The following ZFHX3 variants were observed in gnomAD, a reference collection of about 807,000 sequenced individuals.
ZFHX3 encodes zinc finger homeobox 3.
In ZFHX3, 42 loss-of-function variants were observed where a neutral mutation model predicts 279.1. The ratio of observed to expected loss-of-function variants is 0.15; its 90% confidence interval spans 0.12 to 0.19. The LOEUF is 0.19. Ranked by LOEUF, ZFHX3 falls within the 10% of genes least tolerant of loss-of-function variation. The probability of loss-of-function intolerance (pLI) is 1.00; values close to 1 mark genes in which losing one functional copy is unlikely to be tolerated. For synonymous variants in ZFHX3, 2,293 were observed against 1,957.8 expected (o/e 1.17, Z -4.52); for missense variants, 4,981 against 4,754.0 (o/e 1.05, Z -1.40).
At chr16:73,806,082 C>G (rs1211248155) in intron 1 of ZFHX3, among the ~76,000 whole-genome samples, 1 of 152,166 alleles carries the variant, frequency 6.6e-6, no homozygotes, top group Admixed American at 6.5e-5. Context: ...GAATGGGTGA[C>G]GAGCAAAGGG....
chr16:72,897,926 G>A (rs373497574), intron 3 of ZFHX3, among the ~76,000 whole-genome samples: 2 of 152,158 alleles, frequency 1.3e-5, no homozygotes, highest in African/African-American at 2.4e-5. Context: ...GCCAAGCTAC[G>A]CTGCACAGAC....
rs2144456030 is a variant in ZFHX3 at position 72,959,785 on chromosome 16, C to T, written c.361G>A (p.Asp121Asn). ...ESASDTGEEGDEESDVENLAG... is the reference protein window; with the variant it reads ...ESASDTGEEGNEESDVENLAG... ...AGGTTCTCCACGTCACTCTCCTCGT[C>T]CCCCTCCTCACCGGTGTCGCTGGCG... Residue 121 changes from aspartate (D) to asparagine (N), a missense_variant, in exon 2 of 10, where the codon GAC becomes AAC. Around this residue, in one of 7 missense-constraint regions of ZFHX3, gnomAD observed 1,068 missense variants for 935.2 expected, o/e 1.14. Coordinates refer to ENST00000268489, the MANE Select transcript of ZFHX3 (RefSeq NM_006885.4). 6.2e-7 allele frequency: 1 copy of T among 1,602,546 alleles called. No homozygotes were observed.
intron 3 of ZFHX3, among the ~76,000 whole-genome samples, chr16:72,917,119 T>C (rs1003625362): frequency 6.6e-6 from 1 of 152,204 alleles, no homozygotes; most frequent in Non-Finnish European, 1.5e-5. Context: ...CACGCGCCTA[T>C]AGTCCTGGCT....
At chr16:73,548,723 A>T (rs2020161288) in intron 2 of ZFHX3, among the ~76,000 whole-genome samples, 1 of 152,042 alleles carries the variant, frequency 6.6e-6, no homozygotes, top group Admixed American at 6.6e-5. Flanking sequence ...AACAAAATAT[A>T]AAAAAAATTA....
At chr16:73,610,894 T>C (rs2052238195) in intron 2 of ZFHX3, among the ~76,000 whole-genome samples, 1 of 152,164 alleles carries the variant, frequency 6.6e-6, no homozygotes, top group South Asian at 2.1e-4. Context: ...CGAGCAACTG[T>C]ATTTCAGGGC....
chr16:73,020,164 G>C (rs1964250235), intron 1 of ZFHX3, among the ~76,000 whole-genome samples: 1 of 152,160 alleles, frequency 6.6e-6, no homozygotes. Context: ...GCACCAGCAA[G>C]AGCCCTGCAT....
intron 3 of ZFHX3, among the ~76,000 whole-genome samples, chr16:73,445,254 ATG>A (rs2018163855): frequency 1.3e-5 from 2 of 149,222 alleles, no homozygotes; most frequent in South Asian, 2.2e-4. Context: ...ATATGTGTAT[ATG>A]TGTGTATATG....
chr16:73,158,234 T>C (rs117695236), intron 5 of ZFHX3, among the ~76,000 whole-genome samples: 2,539 of 152,280 alleles, frequency 0.017, 28 homozygotes, highest in Non-Finnish European at 0.025. Context: ...ATACCATGAG[T>C]ACCTCGCTAC....
chr16:73,306,708 G>C (rs914485932), intron 4 of ZFHX3, among the ~76,000 whole-genome samples: 5 of 152,196 alleles, frequency 3.3e-5, no homozygotes, highest in South Asian at 4.1e-4. Flanking sequence ...GGTTCTCTGT[G>C]AGTGTAAGAT....
At chr16:73,585,578 C>G (rs1458007114) in intron 2 of ZFHX3, among the ~76,000 whole-genome samples, 1 of 152,052 alleles carries the variant, frequency 6.6e-6, no homozygotes, top group Non-Finnish European at 1.5e-5. Context: ...ACCTGCACAT[C>G]CAGCACATGT....
At chr16:73,318,515 C>T (rs1329215489) in intron 3 of ZFHX3, among the ~76,000 whole-genome samples, 3 of 149,412 alleles carry the variant, frequency 2.0e-5, no homozygotes, top group African/African-American at 7.4e-5. Flanking sequence ...ACTGTTTTTG[C>T]TTTTTTTTTT....
rs150482546 is a variant in ZFHX3, at chr16:73,179,397, C to G, written c.-1103-35566G>C. Among the ~76,000 whole-genome samples the G allele has an allele frequency of 5.3e-3, 813 of 152,268 alleles. 7 individuals are homozygous for G. The highest frequency in any genetic ancestry group is 8.8e-3 in the African/African-American group (366 of 41,548). Reference sequence around the variant, plus strand: ...CTCCCCTCCATGACTATCAAGTTTTCATTTCTTTGACCATCAAGGAGCTCA... The same window carrying G: ...CTCCCCTCCATGACTATCAAGTTTTGATTTCTTTGACCATCAAGGAGCTCA... On this transcript the variant is annotated intron_variant, in intron 5 of 17. Transcript: ENST00000641206.
rs1967226358 is a variant in ZFHX3, at chr16:73,161,140, T to A, written c.-1103-17309A>T. Among the ~76,000 whole-genome samples, 4 of 152,138 alleles carry A rather than the reference T, an allele frequency of 2.6e-5. No homozygotes were observed. The South Asian group carries it at 8.3e-4, about 32-fold the overall frequency. On this transcript the variant is annotated intron_variant, in intron 5 of 17. Transcript: ENST00000641206. ...GGCGCCCGGCACCATGCCTGGCTAATCTTTTAAACATTTTTTTGTAGAGAT... is the reference window on the plus strand; with the variant it reads ...GGCGCCCGGCACCATGCCTGGCTAAACTTTTAAACATTTTTTTGTAGAGAT...
chr16:73,298,056 TG>T (rs2014959526), intron 4 of ZFHX3, among the ~76,000 whole-genome samples: 2 of 151,550 alleles, frequency 1.3e-5, no homozygotes, highest in South Asian at 4.2e-4. Context: ...CCAGGCATGG[TG>T]GCATGTGCCT....
At chr16:73,695,330 G>A (rs901080205) in intron 1 of ZFHX3, among the ~76,000 whole-genome samples, 8 of 147,910 alleles carry the variant, frequency 5.4e-5, no homozygotes, top group Non-Finnish European at 1.0e-4. Context: ...CCACCTCCCC[G>A]GGTTCAAGCA....
intron 2 of ZFHX3, among the ~76,000 whole-genome samples, chr16:73,671,325 A>G (rs1157620909): frequency 6.6e-6 from 1 of 152,172 alleles, no homozygotes; most frequent in Non-Finnish European, 1.5e-5. Context: ...ACAGGGAGGA[A>G]AGCGGAGCAA....
intron 2 of ZFHX3, among the ~76,000 whole-genome samples, chr16:73,574,476 T>A (rs563030619): frequency 6.6e-6 from 1 of 152,330 alleles, no homozygotes; most frequent in African/African-American, 2.4e-5. Context: ...ACTTCAGATC[T>A]TCTAAATCAA....
Position 73,890,042 on chromosome 16 carries a change from C to T in ZFHX3, c.-1608+1609G>A, listed in dbSNP as rs114144194. On this transcript the variant is annotated intron_variant, in intron 1 of 17. Coordinates refer to the ZFHX3 transcript ENST00000641206. ...GTTATTGCACACATAACAATTAGTC[C>T]TAAATTTCTATACTGATTTGTCTAT... Among the ~76,000 whole-genome samples the T allele has an allele frequency of 7.2e-4, 109 of 152,140 alleles. 1 individual carries two copies. Among genetic ancestry groups the T allele is most frequent in the African/African-American group, 2.6e-3 (109 of 41,502 alleles).
intron 2 of ZFHX3, among the ~76,000 whole-genome samples, chr16:73,549,883 A>G (rs1363169581): frequency 2.0e-5 from 3 of 147,324 alleles, no homozygotes; most frequent in Non-Finnish European, 3.0e-5. Context: ...TTTTTTTCCC[A>G]TCAAAATTAC....
Sources: gnomAD v4.1 joint callset for allele counts (sites outside exome capture counted in the v4.1 genomes callset) on GRCh38, gnomAD v4.1.1 for gene constraint, gnomAD v4.1.1 regional missense constraint, MANE v1.5 for transcripts, NCBI Gene and HGNC (gene_info 2026-07-23, HGNC 2026-07-21) for gene names.